The following SPIDR variants were observed in gnomAD, a reference collection of about 807,000 sequenced individuals.
The protein encoded by SPIDR is DNA repair-scaffolding protein.
In SPIDR, 93 loss-of-function variants were observed where a neutral mutation model predicts 104.6. The observed-to-expected ratio is 0.89, with a 90% CI of 0.75 to 1.06. The LOEUF is 1.06. Ranked by LOEUF, SPIDR falls within the 50% of genes least tolerant of loss-of-function variation. The probability of loss-of-function intolerance (pLI) is 0.00; values close to 1 mark genes in which losing one functional copy is unlikely to be tolerated. For missense variants in SPIDR, 1,154 were observed against 1,111.2 expected (o/e 1.04, Z -0.55); for synonymous variants, 431 against 416.9 (o/e 1.03, Z -0.41).
At position 47,398,437 on chromosome 8, in the gene SPIDR, A is replaced by G. The variant is rs549131193; in HGVS notation, c.776+1811A>G. Among the ~76,000 whole-genome samples the G allele has an allele frequency of 1.9e-4, 29 of 152,258 alleles. No homozygotes were observed. The South Asian group carries it at 6.0e-3, about 32-fold the overall frequency. ...ACTCAGAGAGAGAAATTTTATGGAG[A>G]AAAAGCAGAAAAGGGGGACAGAAAA... On this transcript the variant is annotated intron_variant, in intron 6 of 19. Coordinates refer to ENST00000297423, the MANE Select transcript of SPIDR (RefSeq NM_001080394.4).
chr8:47,397,088 T>C (rs1038380567), intron 6 of SPIDR, among the ~76,000 whole-genome samples: 1 of 152,052 alleles, frequency 6.6e-6, no homozygotes, highest in Admixed American at 6.5e-5. Flanking sequence ...GTGGCCATGG[T>C]GAGCAAAGCA....
At chr8:47,466,039 C>A (rs2074721141) in intron 8 of SPIDR, among the ~76,000 whole-genome samples, 1 of 152,026 alleles carries the variant, frequency 6.6e-6, no homozygotes, top group African/African-American at 2.4e-5. Context: ...TCTTGGAAAC[C>A]TTCAAAGAGA....
intron 8 of SPIDR, among the ~76,000 whole-genome samples, chr8:47,481,827 C>G (rs868970924): frequency 6.6e-6 from 1 of 152,208 alleles, no homozygotes; most frequent in Admixed American, 6.5e-5. Context: ...AGGGAACTCT[C>G]TGGAGATAGT....
chr8:47,675,327 C>T (rs373358741), intron 11 of SPIDR, among the ~76,000 whole-genome samples: 1 of 152,216 alleles, frequency 6.6e-6, no homozygotes, highest in African/African-American at 2.4e-5. Flanking sequence ...TGAGCTACCA[C>T]GCCCGGCCAG....
At chr8:47,345,187 C>A (rs1485627787) in intron 5 of SPIDR, among the ~76,000 whole-genome samples, 1 of 152,172 alleles carries the variant, frequency 6.6e-6, no homozygotes, top group Non-Finnish European at 1.5e-5. Flanking sequence ...ATATGGCTAG[C>A]CAGTTTTCCC....
chr8:47,450,578 T>C (rs2071531183), intron 8 of SPIDR, among the ~76,000 whole-genome samples: 1 of 152,240 alleles, frequency 6.6e-6, no homozygotes, highest in South Asian at 2.1e-4. Context: ...TGTTGTATTG[T>C]AGGACTGCTC....
At chr8:47,710,728 A>G (rs944573860) in intron 14 of SPIDR, among the ~76,000 whole-genome samples, 3 of 152,064 alleles carry the variant, frequency 2.0e-5, no homozygotes, top group Non-Finnish European at 4.4e-5. Flanking sequence ...TCGGCCTCCC[A>G]AAGTGCTGAG....
chr8:47,634,714 C>T lies in SPIDR; in HGVS notation c.1544+35518C>T, dbSNP rs374755799. Among the ~76,000 whole-genome samples the T allele has an allele frequency of 7.2e-5, 11 of 152,252 alleles. No individual in the cohort carries two copies. The East Asian group carries it at 1.5e-3, about 21-fold the overall frequency. On this transcript the variant is annotated intron_variant, in intron 10 of 19. Coordinates refer to ENST00000297423, the MANE Select transcript of SPIDR (RefSeq NM_001080394.4). ...TGCCCACCATGGCTGAGTGGGAGGG[C>T]GAGCTGTCATTGAGCAGTGCAAACT...
At position 47,504,237 on chromosome 8, in the gene SPIDR, CT is replaced by C. The variant is rs1465405767; in HGVS notation, c.1097+63697del. 2.0e-5 allele frequency among the ~76,000 whole-genome samples: 3 copies of C among 152,308 alleles called. No homozygotes were observed. The East Asian group carries it at 5.8e-4, about 29-fold the overall frequency. On this transcript the variant is annotated intron_variant, in intron 8 of 19. Transcript: ENST00000297423. ...TAATATCCTGCAGAGTGTTTTCCAG[CT>C]TGGTTCCATTCTCCTCGTCACTTTG...
intron 5 of SPIDR, among the ~76,000 whole-genome samples, chr8:47,335,421 A>G (rs1257607170): frequency 6.6e-6 from 1 of 151,926 alleles, no homozygotes; most frequent in African/African-American, 2.4e-5. Context: ...ACAACAGTTC[A>G]TTCTTTGTTT....
At chr8:47,394,903 A>G (rs1328060037) in intron 5 of SPIDR, among the ~76,000 whole-genome samples, 1 of 152,204 alleles carries the variant, frequency 6.6e-6, no homozygotes, top group Non-Finnish European at 1.5e-5. Context: ...GCACAAAACT[A>G]AAATGGTGAG....
intron 8 of SPIDR, among the ~76,000 whole-genome samples, chr8:47,481,448 C>T (rs1320509661): frequency 1.3e-5 from 2 of 152,000 alleles, no homozygotes; most frequent in Non-Finnish European, 2.9e-5. Flanking sequence ...ACCAGCCTGG[C>T]CAACATGGAG....
At chr8:47,489,588 T>C (rs2154365923) in intron 8 of SPIDR, among the ~76,000 whole-genome samples, 1 of 152,182 alleles carries the variant, frequency 6.6e-6, no homozygotes, top group Admixed American at 6.6e-5. Flanking sequence ...ATCACACTAT[T>C]TGACTTTAAA....
chr8:47,653,246 C>T (rs1017078130), intron 10 of SPIDR, among the ~76,000 whole-genome samples: 1 of 152,212 alleles, frequency 6.6e-6, no homozygotes, highest in Non-Finnish European at 1.5e-5. Flanking sequence ...CTAACTTACC[C>T]ATGGCACCAC....
chr8:47,394,825 C>T (rs1167317736), intron 5 of SPIDR, among the ~76,000 whole-genome samples: 1 of 152,178 alleles, frequency 6.6e-6, no homozygotes, highest in East Asian at 1.9e-4. Flanking sequence ...TATTCACAAT[C>T]TCTCTTGTGA....
chr8:47,576,698 T>C (rs994255094), intron 8 of SPIDR, among the ~76,000 whole-genome samples: 2 of 152,166 alleles, frequency 1.3e-5, no homozygotes, highest in Non-Finnish European at 2.9e-5. Flanking sequence ...CCTCCCAAAG[T>C]GCTGGGATTA....
intron 7 of SPIDR, among the ~76,000 whole-genome samples, chr8:47,409,765 A>C (rs1364830409): frequency 6.6e-6 from 1 of 152,218 alleles, no homozygotes; most frequent in Non-Finnish European, 1.5e-5. Context: ...GTGGTGGCTC[A>C]TGCCTGTAAT....
At chr8:47,635,127 C>T (rs1175018102) in intron 10 of SPIDR, among the ~76,000 whole-genome samples, 1 of 151,928 alleles carries the variant, frequency 6.6e-6, no homozygotes, top group Non-Finnish European at 1.5e-5. Context: ...CACCTATAAT[C>T]ACAGCACTGT....
chr8:47,596,038 T>C, intron 9 of SPIDR, 32 bp downstream of exon 9: 1 of 1,570,772 alleles, frequency 6.4e-7, no homozygotes, highest in Non-Finnish European at 8.7e-7. Context: ...GGTTTTATGC[T>C]TGTAATAATG....
Sources: allele counts gnomAD v4.1 joint callset (sites outside exome capture counted in the v4.1 genomes callset), GRCh38; gene constraint gnomAD v4.1.1; transcripts MANE v1.5; gene names NCBI Gene and HGNC (gene_info 2026-07-23, HGNC 2026-07-21).